ARHGAP39: variants seen among roughly 807,000 people sequenced by gnomAD.
ARHGAP39 encodes Rho GTPase activating protein 39.
ARHGAP39 carries 44 observed loss-of-function variants against 106.9 expected under a neutral mutation model. The ratio of observed to expected loss-of-function variants is 0.41; its 90% CI spans 0.32 to 0.53. The LOEUF (loss-of-function observed/expected upper bound fraction) is 0.53, where lower values mean the gene tolerates loss of function less well. Ranked by LOEUF, ARHGAP39 falls within the 20% of genes least tolerant of loss-of-function variation. The pLI is 0.21. For synonymous variants in ARHGAP39, 768 were observed against 693.2 expected, an observed-to-expected ratio of 1.11 and a Z score of -1.69; for missense variants, 1,496 against 1,577.3, an observed-to-expected ratio of 0.95 and a Z score of 0.87.
intron 3 of ARHGAP39, among the ~76,000 whole-genome samples, chr8:144,574,466 C>T (rs867905144): frequency 2.0e-5 from 3 of 152,040 alleles, no homozygotes; most frequent in Admixed American, 6.6e-5. Context: ...GTCAGCAGAT[C>T]GAGACCATCC....
chr8:144,662,674 G>A (rs1287094816), intron 1 of ARHGAP39, among the ~76,000 whole-genome samples: 6 of 107,640 alleles, frequency 5.6e-5, no homozygotes, highest in Admixed American at 1.0e-4. Flanking sequence ...CCCATTATCC[G>A]CTTTGGACTG....
intron 2 of ARHGAP39, among the ~76,000 whole-genome samples, chr8:144,582,270 G>A (rs985421226): frequency 2.6e-5 from 4 of 152,176 alleles, no homozygotes; most frequent in South Asian, 2.1e-4. Context: ...GACTGGCTGC[G>A]GGGGCGACCT....
chr8:144,638,216 G>A lies in ARHGAP39; in HGVS notation c.-81-32521C>T, dbSNP rs189434024. Among the ~76,000 whole-genome samples, 8 of 152,250 alleles carry A rather than the reference G, an allele frequency of 5.3e-5. No homozygotes were observed. In the East Asian group the frequency reaches 7.7e-4, roughly 15 times the overall value. ...TTTCTCTGCTGCTGAGAAGGCAGCC[G>A]GCCGTCTGTACTGCTGGCACTGCCC... On this transcript the variant is annotated intron_variant, in intron 1 of 11. Coordinates refer to ENST00000377307, the MANE Select transcript of ARHGAP39 (RefSeq NM_025251.3).
intron 3 of ARHGAP39, among the ~76,000 whole-genome samples, chr8:144,574,591 G>A (rs200618599): frequency 2.6e-5 from 4 of 152,126 alleles, no homozygotes; most frequent in Non-Finnish European, 4.4e-5. Context: ...GGAGAATGGC[G>A]TGAACCCAGG....
chr8:144,553,888 C>T (rs1564844531), intron 4 of ARHGAP39, among the ~76,000 whole-genome samples: 1 of 152,286 alleles, frequency 6.6e-6, no homozygotes, highest in Non-Finnish European at 1.5e-5. Flanking sequence ...CTTCTCCCCG[C>T]CAGGTCCAGA....
In ARHGAP39 at chr8:144,646,878, GC is replaced by G. The variant is rs1002295607; in HGVS notation, c.-82+38807del. ...GTCCGGGACCAGACACGCCCAGAGGGCCCCAGTGCCCTGTGGTTGGGGTGGT... is the reference window on the plus strand; with the variant it reads ...GTCCGGGACCAGACACGCCCAGAGGGCCCAGTGCCCTGTGGTTGGGGTGGT... On this transcript the variant is annotated intron_variant, in intron 1 of 11. Transcript: ENST00000377307. This position sits in a 1 kb window ranked among gnomAD's most constrained non-coding sequence, Gnocchi z 5.7. 6.6e-6 allele frequency among the ~76,000 whole-genome samples: 1 copy of G among 152,104 alleles called. No individual in the cohort carries two copies. The highest frequency in any genetic ancestry group is 2.4e-5 in the African/African-American group (1 of 41,418).
intron 1 of ARHGAP39, chr8:144,683,563 T>C (rs1822486363): frequency 6.6e-6 from 1 of 151,862 alleles, no homozygotes; most frequent in South Asian, 2.1e-4. Flanking sequence ...GTTAGGCTGA[T>C]CTTGAACTCC....
chr8:144,680,661 A>G (rs1357141744), intron 1 of ARHGAP39, among the ~76,000 whole-genome samples: 1 of 151,866 alleles, frequency 6.6e-6, no homozygotes, highest in Non-Finnish European at 1.5e-5. Flanking sequence ...TACAAAATTG[A>G]AAAAAAAATT....
At chr8:144,629,727 G>A (rs879735065) in intron 1 of ARHGAP39, among the ~76,000 whole-genome samples, 32 of 152,234 alleles carry the variant, frequency 2.1e-4, no homozygotes, top group Non-Finnish European at 4.3e-4. Flanking sequence ...TGTGCTGGCA[G>A]AGGGTGGAGA....
Position 144,547,056 on chromosome 8 carries a change from G to GA in ARHGAP39, c.1959+70_1959+71insT. On this transcript the variant is annotated intron_variant, in intron 5 of 11. Coordinates refer to ENST00000377307, the MANE Select transcript of ARHGAP39 (RefSeq NM_025251.3). This position sits in a 1 kb window ranked among gnomAD's most constrained non-coding sequence, Gnocchi z 5.2. ...CCTGGACGCCAGGTCTCCTGTGCCT[G>GA]GCCCACGGGGTCCACTCTGACTGGG... The GA allele has an allele frequency of 6.8e-7, 1 of 1,463,052 alleles. No homozygotes were observed. Among genetic ancestry groups the GA allele is most frequent in the South Asian group, 1.4e-5 (1 of 69,492 alleles). The allele number at this position is 1,463,052 out of a possible 1,614,324, so 90.6% of individuals were successfully genotyped here.
chr8:144,545,298 G>A lies in ARHGAP39; in HGVS notation c.2472C>T (p.Tyr824=). The change falls in exon 6 of 12, where the codon TAC becomes TAT. Residue 824 remains tyrosine (Y), a synonymous_variant. Coordinates refer to ENST00000377307, the MANE Select transcript of ARHGAP39 (RefSeq NM_025251.3). ...TGTGCCGGTAGATGTAGCCTTCCAG[G>A]TAGGAGTGGAACTTGGGGGTGGGCG... ...FFPPTPKFHS[Y]LEGYIYRHMD... is the part of the protein sequence containing the mutation. 1.3e-6 allele frequency: 2 copies of A among 1,578,918 alleles called. No individual in the cohort carries two copies. Among genetic ancestry groups the A allele is most frequent in the Non-Finnish European group, 1.7e-6 (2 of 1,157,718 alleles).
At chr8:144,652,677 C>T (rs1261104283) in intron 1 of ARHGAP39, among the ~76,000 whole-genome samples, 1 of 152,022 alleles carries the variant, frequency 6.6e-6, no homozygotes, top group Non-Finnish European at 1.5e-5. Context: ...CCAAATACCA[C>T]ATGTTCTCAC....
chr8:144,582,778 G>GGC (rs1448201527), intron 2 of ARHGAP39, among the ~76,000 whole-genome samples: 1 of 152,152 alleles, frequency 6.6e-6, no homozygotes, highest in Non-Finnish European at 1.5e-5. Flanking sequence ...TGAGAGAAGG[G>GGC]GCACCCTGGG....
At chr8:144,620,596 CGT>C (rs745766215) in intron 1 of ARHGAP39, among the ~76,000 whole-genome samples, 1 of 152,216 alleles carries the variant, frequency 6.6e-6, no homozygotes, top group Non-Finnish European at 1.5e-5. Context: ...TGCCCACGTG[CGT>C]GTGAGTACGT....
At chr8:144,668,169 C>T (rs930757211) in intron 1 of ARHGAP39, among the ~76,000 whole-genome samples, 3 of 152,122 alleles carry the variant, frequency 2.0e-5, no homozygotes, top group Non-Finnish European at 4.4e-5. Context: ...AGGCCAGGTG[C>T]AGTGGCTTAC....
intron 3 of ARHGAP39, among the ~76,000 whole-genome samples, chr8:144,573,074 C>T (rs936830139): frequency 6.6e-6 from 1 of 152,156 alleles, no homozygotes; most frequent in Non-Finnish European, 1.5e-5. Flanking sequence ...ACTAGAAATA[C>T]CATTTGACCC....
At chr8:144,581,705 A>G (rs1818998939) in intron 2 of ARHGAP39, among the ~76,000 whole-genome samples, 1 of 152,126 alleles carries the variant, frequency 6.6e-6, no homozygotes, top group African/African-American at 2.4e-5. Flanking sequence ...CGGGGTCTGG[A>G]GGGGCCTCAG....
intron 1 of ARHGAP39, among the ~76,000 whole-genome samples, chr8:144,659,572 T>C (rs1821774089): frequency 6.6e-6 from 1 of 152,208 alleles, no homozygotes; most frequent in East Asian, 1.9e-4. Flanking sequence ...TCTAAGTCAA[T>C]GTTCCAAGTT....
At chr8:144,672,584 C>T (rs1433431615) in intron 1 of ARHGAP39, among the ~76,000 whole-genome samples, 3 of 152,196 alleles carry the variant, frequency 2.0e-5, no homozygotes, top group Non-Finnish European at 2.9e-5. Context: ...AGTGCTCCCA[C>T]GCCTCACATC....
Sources: allele counts gnomAD v4.1 joint callset (sites outside exome capture counted in the v4.1 genomes callset), GRCh38; gene constraint gnomAD v4.1.1; non-coding constraint Gnocchi (gnomAD v3.1); transcripts MANE v1.5; gene names NCBI Gene and HGNC (gene_info 2026-07-23, HGNC 2026-07-21).